DOP1B: variants seen among roughly 807,000 people sequenced by gnomAD.
The protein encoded by DOP1B is DOP1 leucine zipper like protein B, also known as protein DOP1B.
Under a neutral mutation model 233.5 loss-of-function variants are expected in DOP1B, and 174 were observed. The observed-to-expected ratio is 0.75, with a 90% CI of 0.66 to 0.85. The LOEUF is 0.85. DOP1B is among the 40% of genes least tolerant of loss of function. DOP1B has a pLI of 0.00. For synonymous variants in DOP1B, 1,190 were observed against 1,185.6 expected (o/e 1.00, Z -0.08); for missense variants, 2,652 against 2,846.6 (o/e 0.93, Z 1.56).
intron 14 of DOP1B, among the ~76,000 whole-genome samples, chr21:36,232,226 G>T (rs1213920601): frequency 6.6e-6 from 1 of 151,612 alleles, no homozygotes; most frequent in Non-Finnish European, 1.5e-5. Flanking sequence ...CATATGATCT[G>T]CCCGCCTTGG....
At chr21:36,259,644 C>G (rs1459633169) in intron 23 of DOP1B, among the ~76,000 whole-genome samples, 1 of 152,160 alleles carries the variant, frequency 6.6e-6, no homozygotes, top group African/African-American at 2.4e-5. Flanking sequence ...CTGCTGCAGG[C>G]TTGGTCGCCG....
chr21:36,292,209 A>T lies in DOP1B; in HGVS notation c.6621A>T (p.Leu2207=), dbSNP rs905362204. 6 of 1,596,732 alleles carry T rather than the reference A, an allele frequency of 3.8e-6. No homozygotes were observed. Among genetic ancestry groups the T allele is most frequent in the Non-Finnish European group, 5.1e-6 (6 of 1,174,984 alleles). The part of the protein sequence containing the change: ...QECKPHTVRI[L]ELLKLKFGEI... The stretch of plus-strand genomic sequence containing the variant: ...GCAAACCCCACACTGTCAGGATTCT[A>T]GAACTTCTAAAATTAAAGTTTGGGG... Residue 2207 remains leucine, a synonymous_variant, in exon 36 of 37, where the codon CTA becomes CTT. Transcript: ENST00000691173.
chr21:36,281,681 A>ACAGAAAT, intron 32 of DOP1B, 70 bp downstream of exon 32: 2 of 1,350,646 alleles, frequency 1.5e-6, no homozygotes, highest in Admixed American at 2.7e-5. Context: ...ATTTATAAAA[A>ACAGAAAT]CAGAAATTTA....
intron 23 of DOP1B, among the ~76,000 whole-genome samples, chr21:36,259,208 A>G (rs1305082836): frequency 6.8e-6 from 1 of 147,396 alleles, no homozygotes. Flanking sequence ...CACGTGATCC[A>G]CCCGCCTCGG....
At position 36,164,875 on chromosome 21, in the gene DOP1B, T is replaced by C. The variant is rs367988942; in HGVS notation, c.138+4T>C. ...TTCACTTGGCAAACTCAACAAGGTA[T>C]GTAGGGTGTATCCTATTTGGATTGC... On this transcript the variant is annotated splice_donor_region_variant and intron_variant, in intron 2 of 36. Transcript: ENST00000691173. 8.8e-6 allele frequency: 14 copies of C among 1,598,804 alleles called. No homozygotes were observed. In the African/African-American group the frequency reaches 1.3e-4, roughly 15 times the overall value.
intron 35 of DOP1B, among the ~76,000 whole-genome samples, chr21:36,290,625 T>C (rs2067545203): frequency 6.6e-6 from 1 of 152,098 alleles, no homozygotes; most frequent in African/African-American, 2.4e-5. Flanking sequence ...AATCCATCTC[T>C]ACTAAAAATA....
intron 32 of DOP1B, among the ~76,000 whole-genome samples, chr21:36,284,858 G>T (rs1467719667): frequency 6.7e-6 from 1 of 149,898 alleles, no homozygotes; most frequent in African/African-American, 2.4e-5. Context: ...ATATGACATT[G>T]TAACATGTAA....
chr21:36,165,146 CA>C (rs1280096814), intron 2 of DOP1B, among the ~76,000 whole-genome samples: 1 of 152,080 alleles, frequency 6.6e-6, no homozygotes, highest in Admixed American at 6.6e-5. Flanking sequence ...TACCTCCTTC[CA>C]GCTTTTTCTG....
chr21:36,247,713 A>C, intron 20 of DOP1B, 85 bp downstream of exon 20: 1 of 951,134 alleles, frequency 1.1e-6, no homozygotes, highest in Non-Finnish European at 1.6e-6. Context: ...TAAGTAACGT[A>C]TGTATGTAAT....
chr21:36,238,031 G>T (rs1016706523), intron 16 of DOP1B, among the ~76,000 whole-genome samples: 6 of 152,190 alleles, frequency 3.9e-5, no homozygotes, highest in Non-Finnish European at 8.8e-5. Flanking sequence ...GCCGGGCATG[G>T]TGGCACATGC....
intron 14 of DOP1B, 113 bp downstream of exon 14, chr21:36,231,247 G>A (rs1032711105): frequency 2.3e-5 from 32 of 1,364,372 alleles, no homozygotes; most frequent in Middle Eastern, 3.8e-4. Flanking sequence ...TTTGGATTTC[G>A]GACTTTTTTC....
Position 36,223,366 on chromosome 21 carries a change from A to C in DOP1B, c.1370+16A>C. On this transcript the variant is annotated intron_variant, in intron 11 of 36. Coordinates refer to ENST00000691173, the MANE Select transcript of DOP1B (RefSeq NM_001320714.2). ...AATGCTTTAGGTAAGTATGCAGTTC[A>C]AGAATGCAGAATATTTAGGAAGGAT... is the stretch of plus-strand genomic sequence containing the variant. The C allele has an allele frequency of 1.2e-6, 2 of 1,602,856 alleles. No individual in the cohort carries two copies. Among genetic ancestry groups the C allele is most frequent in the Non-Finnish European group, 1.7e-6 (2 of 1,177,304 alleles).
chr21:36,280,100 C>G (rs1225278728), intron 30 of DOP1B, among the ~76,000 whole-genome samples, 185 bp from the exon 31 acceptor site: 1 of 152,196 alleles, frequency 6.6e-6, no homozygotes, highest in African/African-American at 2.4e-5. Context: ...GTCTTGAACT[C>G]CCAACCTCAG....
chr21:36,247,392 G>T, intron 19 of DOP1B, 125 bp from the exon 20 acceptor site: 1 of 500,436 alleles, frequency 2.0e-6, no homozygotes, highest in Non-Finnish European at 3.5e-6. Flanking sequence ...ATTCTATGAC[G>T]AGAGCTCCAG....
chr21:36,203,200 A>G (rs988220875), intron 4 of DOP1B, among the ~76,000 whole-genome samples: 6 of 152,202 alleles, frequency 3.9e-5, no homozygotes, highest in African/African-American at 1.4e-4. Context: ...TTCATGAATC[A>G]CCGAATCTAT....
Position 36,246,238 on chromosome 21 carries a change from G to A in DOP1B, c.4258G>A (p.Glu1420Lys). 6.2e-7 allele frequency: 1 copy of A among 1,613,900 alleles called. No individual in the cohort carries two copies. The part of the protein sequence containing the change: ...GRALPEDSLF[E>K]ESLINLGQDQ... ...GGCCCTGCCAGAGGACAGCCTCTTT[G>A]AGGAGAGTCTCATTAACTTGGGTCA... Residue 1420 changes from glutamate to lysine, a missense_variant, in exon 19 of 37, where the codon GAG becomes AAG. By Grantham distance (56) the Glu-to-Lys change is moderately conservative. Transcript: ENST00000691173. This position sits in a 1 kb window ranked among gnomAD's most constrained non-coding sequence, Gnocchi z 5.1.
intron 12 of DOP1B, 122 bp downstream of exon 12, chr21:36,225,789 T>C (rs2066675974): frequency 2.0e-6 from 2 of 985,770 alleles, no homozygotes; most frequent in Non-Finnish European, 3.0e-6. Flanking sequence ...CAACACTGTT[T>C]TGATGTTTGT....
At chr21:36,263,969 T>A (rs1429445782) in intron 26 of DOP1B, among the ~76,000 whole-genome samples, 155 bp downstream of exon 26, 1 of 152,242 alleles carries the variant, frequency 6.6e-6, no homozygotes, top group East Asian at 1.9e-4. Flanking sequence ...CATCACTGTC[T>A]CTAGAGAGTT....
intron 10 of DOP1B, among the ~76,000 whole-genome samples, chr21:36,222,261 G>A (rs2066633765): frequency 6.6e-6 from 1 of 151,920 alleles, no homozygotes. Flanking sequence ...TAAATTTCTT[G>A]AATAAATTTC....
Sources: gnomAD v4.1 joint callset for allele counts (sites outside exome capture counted in the v4.1 genomes callset) on GRCh38, gnomAD v4.1.1 for gene constraint, Gnocchi (gnomAD v3.1) non-coding constraint, MANE v1.5 for transcripts, NCBI Gene and HGNC (gene_info 2026-07-23, HGNC 2026-07-21) for gene names.